Variants in PRSS54 observed in about 807,000 individuals in gnomAD.
PRSS54 encodes serine protease 54.
In PRSS54, 16 loss-of-function variants were observed where a neutral mutation model predicts 19.9. That is an observed-to-expected ratio of 0.80 (90% CI 0.54 to 1.22). The LOEUF (loss-of-function observed/expected upper bound fraction) is 1.22, where lower values mean the gene tolerates loss of function less well. PRSS54 is among the 50% of genes most tolerant of loss of function. PRSS54 has a pLI of 0.00. For missense variants in PRSS54, 444 were observed against 494.8 expected, an observed-to-expected ratio of 0.90 and a Z score of 0.97; for synonymous variants, 177 against 195.8, an observed-to-expected ratio of 0.90 and a Z score of 0.80.
chr16:58,287,276 G>A (rs935810716), intron 4 of PRSS54, among the ~76,000 whole-genome samples: 2 of 152,164 alleles, frequency 1.3e-5, no homozygotes, highest in Non-Finnish European at 2.9e-5. Context: ...GGTCCCAACA[G>A]GAAATAAATG....
chr16:58,290,176 A>T lies in PRSS54; in HGVS notation c.263+783T>A, dbSNP rs200069790. On this transcript the variant is annotated intron_variant, in intron 4 of 6. Coordinates refer to ENST00000567164, the MANE Select transcript of PRSS54 (RefSeq NM_001305173.2). ...TACACTATATATTATGTATATATAT[A>T]TTTATATGTATAGCATGTATATATA... Among the ~76,000 whole-genome samples the T allele has an allele frequency of 4.2e-5, 6 of 143,756 alleles. No individual in the cohort carries two copies. In the South Asian group the frequency reaches 1.3e-3, roughly 31 times the overall value. The allele number at this position is 143,756 out of a possible 152,430, so 94.3% of individuals were successfully genotyped here. A position where few individuals can be genotyped will look rare whatever the true frequency, so the allele number is the denominator to read the frequency against.
chr16:58,293,938 C>T lies in PRSS54; in HGVS notation c.-7+47G>A, dbSNP rs1045520457. ...CATGTTCCCTCCCAAACATCAGAGG[C>T]TCCCCCTCTTTCTACTAACAAAGGT... On this transcript the variant is annotated intron_variant, in intron 2 of 6. Transcript: ENST00000567164. 4 of 853,516 alleles carry T rather than the reference C, an allele frequency of 4.7e-6. No homozygotes were observed. The African/African-American group carries it at 5.0e-5, about 11-fold the overall frequency. The allele number at this position is 853,516 out of a possible 1,614,324, so 52.9% of individuals were successfully genotyped here. A position where few individuals can be genotyped will look rare whatever the true frequency, so the allele number is the denominator to read the frequency against.
chr16:58,286,335 G>A, intron 4 of PRSS54, 140 bp from the exon 5 acceptor site: 1 of 855,312 alleles, frequency 1.2e-6, no homozygotes, highest in South Asian at 1.7e-5. Flanking sequence ...TCACCCCTTT[G>A]GACTCAAGTT....
intron 6 of PRSS54, chr16:58,281,363 G>C (rs1219549747): frequency 6.4e-6 from 1 of 156,054 alleles, no homozygotes; most frequent in Non-Finnish European, 1.4e-5. Flanking sequence ...TGGGAACACA[G>C]TTAATGCCTG....
chr16:58,286,144 A>C lies in PRSS54; in HGVS notation c.315T>G (p.Ile105Met). 1 of 1,614,210 alleles carries C rather than the reference A, an allele frequency of 6.2e-7. No individual in the cohort carries two copies. Among genetic ancestry groups the C allele is most frequent in the Non-Finnish European group, 8.5e-7 (1 of 1,180,002 alleles). Reference protein sequence around the residue: ...VGISNMDPSKIAHTEYPVNTI... With the variant: ...VGISNMDPSKMAHTEYPVNTI... ...TATTGACTGGATACTCTGTGTGAGC[A>C]ATCTTGCTAGGATCCATGTTACTTA... is the stretch of plus-strand genomic sequence containing the variant. Residue 105 changes from isoleucine to methionine, a missense_variant, in exon 5 of 7, where the codon ATT becomes ATG. Coordinates refer to ENST00000567164, the MANE Select transcript of PRSS54 (RefSeq NM_001305173.2).
intron 5 of PRSS54, 32 bp downstream of exon 5, chr16:58,285,905 G>GC (rs1567514913): frequency 6.2e-7 from 1 of 1,610,818 alleles, no homozygotes; most frequent in East Asian, 2.2e-5. Flanking sequence ...CAGCACACAC[G>GC]CAGCCTTCTC....
At chr16:58,288,027 G>A (rs56358295) in intron 4 of PRSS54, among the ~76,000 whole-genome samples, 15,699 of 152,224 alleles carry the variant, frequency 0.1, 895 homozygotes, top group Admixed American at 0.13. Context: ...ACCACCCATA[G>A]TAGACAGACA....
intron 6 of PRSS54, 162 bp downstream of exon 6, chr16:58,284,428 G>A (rs2303228): frequency 0.03 from 20,058 of 676,998 alleles, 500 homozygotes; most frequent in East Asian, 0.09. Context: ...TTTTTATTGA[G>A]CGCATACTGT....
At chr16:58,288,494 A>G (rs1964967377) in intron 4 of PRSS54, among the ~76,000 whole-genome samples, 1 of 152,188 alleles carries the variant, frequency 6.6e-6, no homozygotes, top group Non-Finnish European at 1.5e-5. Context: ...AGTCAAAGAG[A>G]AAATCAAAAC....
In PRSS54 at chr16:58,280,697, C is replaced by A. The variant is rs751675600; in HGVS notation, c.715G>T (p.Gly239Ter). The part of the protein sequence containing the change: ...LQQFDLWVLR[G>*]VLNFGGETCP... The stretch of plus-strand genomic sequence containing the variant: ...GTCTCACCACCGAAGTTCAGGACTC[C>A]TCTCAGAACCCACAGATCGAACTGC... Residue 239 changes from glycine (G) to a stop codon, truncating the protein, a stop_gained, in exon 7 of 7, where the codon GGA becomes TGA. Coordinates refer to ENST00000567164, the MANE Select transcript of PRSS54 (RefSeq NM_001305173.2). LOFTEE classifies it low-confidence loss of function (END_TRUNC). 4 of 1,614,042 alleles carry A rather than the reference C, an allele frequency of 2.5e-6. No homozygotes were observed. The East Asian group carries it at 8.9e-5, about 36-fold the overall frequency.
intron 5 of PRSS54, 88 bp from the exon 6 acceptor site, chr16:58,284,809 G>T: frequency 6.9e-7 from 1 of 1,455,396 alleles, no homozygotes; most frequent in African/African-American, 1.7e-5. Context: ...AGCCAAACGA[G>T]AGTGAGAATT....
intron 6 of PRSS54, chr16:58,281,865 C>G (rs1001054161): frequency 2.0e-5 from 3 of 152,340 alleles, no homozygotes; most frequent in African/African-American, 7.2e-5. Flanking sequence ...CTCTCTTTCT[C>G]TCTTTCTTTC....
intron 4 of PRSS54, among the ~76,000 whole-genome samples, chr16:58,287,316 G>A (rs8047708): frequency 0.62 from 94,795 of 152,034 alleles, 30,805 homozygotes; most frequent in African/African-American, 0.82. Flanking sequence ...ATTGGGGTGC[G>A]TTTAATAAAG....
intron 5 of PRSS54, 103 bp downstream of exon 5, chr16:58,285,834 C>T: frequency 7.2e-7 from 1 of 1,389,256 alleles, no homozygotes; most frequent in Non-Finnish European, 9.7e-7. Flanking sequence ...GAACCTCAAG[C>T]AAACTCCATT....
chr16:58,291,012 G>C lies in PRSS54; in HGVS notation c.210C>G (p.Gly70=), dbSNP rs1965026644. ...QDSQYTHLAF[G]CILSEFWVLS... ...GGACCCAGAACTCGCTCAGGATGCA[G>C]CCGAAAGCCAGGTGTGTGTACTGGG... Residue 70 remains glycine, a synonymous_variant, in exon 4 of 7, where the codon GGC becomes GGG. Transcript: ENST00000567164. 2 of 1,614,110 alleles carry C rather than the reference G, an allele frequency of 1.2e-6. No homozygotes were observed. The highest frequency in any genetic ancestry group is 2.2e-5 in the South Asian group (2 of 91,082).
intron 1 of PRSS54, among the ~76,000 whole-genome samples, 153 bp downstream of exon 1, chr16:58,294,734 C>G (rs1458386237): frequency 6.6e-6 from 1 of 152,104 alleles, no homozygotes; most frequent in African/African-American, 2.4e-5. Flanking sequence ...AGTTCATTTG[C>G]AAAACCGCGG....
chr16:58,280,120 G>A lies in PRSS54; in HGVS notation c.*104C>T. 3 of 1,179,304 alleles carry A rather than the reference G, an allele frequency of 2.5e-6. No individual in the cohort carries two copies. In the South Asian group the frequency reaches 4.5e-5, roughly 18 times the overall value. The allele number at this position is 1,179,304 out of a possible 1,614,324, so 73.1% of individuals were successfully genotyped here. A position where few individuals can be genotyped will look rare whatever the true frequency, so the allele number is the denominator to read the frequency against. On this transcript the variant is annotated 3_prime_UTR_variant, in exon 7 of 7. Transcript: ENST00000567164. ...GTATGCCATGGGCTTATCCGTGGCA[G>A]CCCCAGTGTGCAACTATCAAAAACA...
At chr16:58,288,104 CAAAA>C (rs1964957053) in intron 4 of PRSS54, among the ~76,000 whole-genome samples, 1 of 152,036 alleles carries the variant, frequency 6.6e-6, no homozygotes, top group Non-Finnish European at 1.5e-5. Context: ...GAAAACAAAA[CAAAA>C]AACCCTAGCA....
chr16:58,280,368 C>G lies in PRSS54; in HGVS notation c.1044G>C (p.Glu348Asp). ...CATAGTATAAGGGTTGTACAGACGCCTCAGGAGACCTGCCTGATTCCTTTA... is the reference window on the plus strand; with the variant it reads ...CATAGTATAAGGGTTGTACAGACGCGTCAGGAGACCTGCCTGATTCCTTTA... ...KDVKESGRSP[E>D]ASVQPLYYDY... The change falls in exon 7 of 7, where the codon GAG (glutamate) becomes GAC (aspartate). Residue 348 changes from glutamate (E) to aspartate (D), a missense_variant. Coordinates refer to ENST00000567164, the MANE Select transcript of PRSS54 (RefSeq NM_001305173.2). 2 of 1,614,220 alleles carry G rather than the reference C, an allele frequency of 1.2e-6. No homozygotes were observed. The highest frequency in any genetic ancestry group is 1.7e-6 in the Non-Finnish European group (2 of 1,180,036).
Sources: allele counts gnomAD v4.1 joint callset (sites outside exome capture counted in the v4.1 genomes callset), GRCh38; gene constraint gnomAD v4.1.1; transcripts MANE v1.5; gene names NCBI Gene and HGNC (gene_info 2026-07-23, HGNC 2026-07-21).